Variants in WDR7 observed in about 807,000 individuals in gnomAD.
WDR7 encodes the protein WD repeat domain 7.
WDR7 carries 46 observed loss-of-function variants against 169.4 expected under a neutral mutation model. That is an observed-to-expected ratio of 0.27 (90% CI 0.21 to 0.35). The LOEUF is 0.35. WDR7 is among the 10% of genes least tolerant of loss of function. The probability of loss-of-function intolerance (pLI) is 1.00; values close to 1 mark genes in which losing one functional copy is unlikely to be tolerated. For missense variants in WDR7, 1,534 were observed against 1,859.3 expected (o/e 0.83, Z 3.22); for synonymous variants, 612 against 666.8 (o/e 0.92, Z 1.27).
intron 19 of WDR7, among the ~76,000 whole-genome samples, chr18:56,814,526 C>T (rs145342710): frequency 8.8e-4 from 133 of 151,940 alleles, no homozygotes; most frequent in African/African-American, 3.0e-3. Context: ...CTAGTACATC[C>T]CCTTCTTTAT....
At chr18:56,673,897 C>T (rs907419027) in intron 2 of WDR7, among the ~76,000 whole-genome samples, 4 of 151,648 alleles carry the variant, frequency 2.6e-5, no homozygotes, top group African/African-American at 9.7e-5. Context: ...TCACTAACGT[C>T]GTGATTATTC....
At chr18:56,658,037 A>G (rs1472758988) in intron 1 of WDR7, among the ~76,000 whole-genome samples, 4 of 152,166 alleles carry the variant, frequency 2.6e-5, no homozygotes, top group Non-Finnish European at 5.9e-5. Flanking sequence ...AGATTTCTGA[A>G]GTGCTAAGCG....
In WDR7 at chr18:56,935,858, A is replaced by G; in HGVS notation, c.3784A>G (p.Ile1262Val). ...ARSARHALSL[I>V]ATARPPAFIT... ...CTCTGCGAGGCATGCCCTCTCGCTC[A>G]TTGCCACCGCCAGACCACCCGCCTT... Residue 1262 changes from isoleucine to valine, a missense_variant, in exon 23 of 28, where the codon ATT (isoleucine) becomes GTT (valine). Transcript: ENST00000254442. 1 of 1,614,088 alleles carries G rather than the reference A, an allele frequency of 6.2e-7. No homozygotes were observed. Among genetic ancestry groups the G allele is most frequent in the Non-Finnish European group, 8.5e-7 (1 of 1,180,012 alleles).
chr18:56,886,037 T>G (rs1172427241), intron 21 of WDR7, among the ~76,000 whole-genome samples: 1 of 152,186 alleles, frequency 6.6e-6, no homozygotes, highest in African/African-American at 2.4e-5. Context: ...AAGGGGAATC[T>G]AAAAGTTTGG....
intron 21 of WDR7, among the ~76,000 whole-genome samples, chr18:56,887,114 A>C (rs893140087): frequency 2.6e-5 from 4 of 152,218 alleles, no homozygotes; most frequent in Non-Finnish European, 4.4e-5. Flanking sequence ...AGGGGAAAAA[A>C]GGGATTTGAA....
chr18:56,723,481 G>A (rs1306778509), intron 13 of WDR7, among the ~76,000 whole-genome samples: 22 of 151,826 alleles, frequency 1.4e-4, no homozygotes, highest in Admixed American at 1.4e-3. Context: ...ATTTTCTCTA[G>A]GTATAGAATT....
At chr18:56,652,165 A>G (rs543422379) in intron 1 of WDR7, among the ~76,000 whole-genome samples, 1 of 152,296 alleles carries the variant, frequency 6.6e-6, no homozygotes, top group African/African-American at 2.4e-5. Flanking sequence ...ACTTTGATTC[A>G]AAAATTGCTG....
At chr18:56,983,642 A>G (rs888040788) in intron 26 of WDR7, among the ~76,000 whole-genome samples, 6 of 152,160 alleles carry the variant, frequency 3.9e-5, no homozygotes, top group African/African-American at 1.2e-4. Flanking sequence ...ATAACCATCA[A>G]CAAAGAAATT....
intron 21 of WDR7, among the ~76,000 whole-genome samples, chr18:56,889,188 G>C (rs769088607): frequency 2.0e-5 from 3 of 152,174 alleles, no homozygotes; most frequent in Non-Finnish European, 4.4e-5. Flanking sequence ...TGATGGGGAG[G>C]AGATGGGCAA....
intron 21 of WDR7, among the ~76,000 whole-genome samples, chr18:56,887,745 T>C (rs140464795): frequency 1.6e-3 from 246 of 152,286 alleles, no homozygotes; most frequent in African/African-American, 5.5e-3. Flanking sequence ...ACCTTTCTTA[T>C]TTGAATTGGG....
At chr18:56,784,918 T>G (rs2044373679) in intron 19 of WDR7, among the ~76,000 whole-genome samples, 1 of 122,686 alleles carries the variant, frequency 8.2e-6, no homozygotes, top group East Asian at 3.0e-4. Context: ...ATTGTTGTTG[T>G]TTTTTTTTTT....
intron 26 of WDR7, among the ~76,000 whole-genome samples, chr18:56,985,608 A>T (rs12963647): frequency 0.2 from 31,059 of 152,036 alleles, 3,777 homozygotes; most frequent in Middle Eastern, 0.34. Context: ...TTACCTTGAA[A>T]TATTTTTTTA....
At chr18:56,862,674 T>C (rs977907267) in intron 20 of WDR7, among the ~76,000 whole-genome samples, 1 of 151,906 alleles carries the variant, frequency 6.6e-6, no homozygotes, top group Non-Finnish European at 1.5e-5. Flanking sequence ...TTTCAGGTTA[T>C]ATATAATGGC....
At chr18:56,714,075 A>G (rs2026140584) in intron 12 of WDR7, among the ~76,000 whole-genome samples, 1 of 152,248 alleles carries the variant, frequency 6.6e-6, no homozygotes, top group Non-Finnish European at 1.5e-5. Context: ...GTTTTCACAC[A>G]GGCTGCAAAG....
At position 56,754,694 on chromosome 18, in the gene WDR7, A is replaced by G. The variant is rs118162135; in HGVS notation, c.1990-1889A>G. 8.1e-4 allele frequency among the ~76,000 whole-genome samples: 124 copies of G among 152,312 alleles called. 1 individual carries two copies. In the East Asian group the frequency reaches 0.018, roughly 22 times the overall value. On this transcript the variant is annotated intron_variant, in intron 14 of 27. Coordinates refer to ENST00000254442, the MANE Select transcript of WDR7 (RefSeq NM_015285.3). The stretch of plus-strand genomic sequence containing the variant: ...TTATATGTCAATGCATAAATTATTT[A>G]CTAGTTTCCTTACTGTTAGATATTT...
intron 1 of WDR7, among the ~76,000 whole-genome samples, chr18:56,654,838 CT>C (rs1568119674): frequency 2.6e-5 from 4 of 152,128 alleles, no homozygotes; most frequent in African/African-American, 9.7e-5. Flanking sequence ...CAGAGTTTAA[CT>C]TTTTATGTGT....
At chr18:57,030,674 C>G (rs1253925412), downstream of WDR7, 1 of 152,152 alleles carries the variant, frequency 6.6e-6, no homozygotes, top group Non-Finnish European at 1.5e-5. Context: ...TACTTCCACC[C>G]TCTAACTAGA....
chr18:56,678,502 C>A (rs55864981), intron 2 of WDR7, among the ~76,000 whole-genome samples: 16 of 151,600 alleles, frequency 1.1e-4, no homozygotes, highest in East Asian at 5.8e-4. Flanking sequence ...ACACTGTGGT[C>A]TTTTTTTTTT....
chr18:56,988,541 T>G (rs966031304), intron 26 of WDR7, among the ~76,000 whole-genome samples: 1 of 151,390 alleles, frequency 6.6e-6, no homozygotes, highest in Non-Finnish European at 1.5e-5. Flanking sequence ...AAATATAAAT[T>G]TATTTTTTAA....
Sources: allele counts gnomAD v4.1 joint callset (sites outside exome capture counted in the v4.1 genomes callset), GRCh38; gene constraint gnomAD v4.1.1; transcripts MANE v1.5; gene names NCBI Gene and HGNC (gene_info 2026-07-23, HGNC 2026-07-21).